The following ASIC2 variants were observed in gnomAD, a reference collection of about 807,000 sequenced individuals.
ASIC2 encodes the protein acid-sensing ion channel 2.
A neutral mutation model predicts 57.3 loss-of-function variants in ASIC2; 25 were observed. That is an observed-to-expected ratio of 0.44 (90% CI 0.32 to 0.61). The LOEUF is 0.61. ASIC2 is among the 20% of genes least tolerant of loss of function. ASIC2 has a pLI of 0.06. For missense variants in ASIC2, 641 were observed against 738.1 expected (o/e 0.87, Z 1.52); for synonymous variants, 319 against 307.5 (o/e 1.04, Z -0.39).
intron 1 of ASIC2, among the ~76,000 whole-genome samples, chr17:33,672,903 GA>G (rs1053362643): frequency 6.6e-6 from 1 of 152,122 alleles, no homozygotes; most frequent in African/African-American, 2.4e-5. Context: ...CTATAAAGTG[GA>G]AATAGCCATA....
chr17:33,842,315 C>T (rs1250302689), intron 1 of ASIC2, among the ~76,000 whole-genome samples: 1 of 152,154 alleles, frequency 6.6e-6, no homozygotes, highest in Admixed American at 6.5e-5. Context: ...AGATGTTTCT[C>T]ATAGACAAGA....
intron 1 of ASIC2, among the ~76,000 whole-genome samples, chr17:33,290,026 C>G (rs1057385822): frequency 6.6e-6 from 1 of 152,226 alleles, no homozygotes. Flanking sequence ...GCATCTCCTA[C>G]TTGCCAAAGC....
chr17:33,141,164 A>C (rs1345301196), intron 1 of ASIC2, among the ~76,000 whole-genome samples: 2 of 152,206 alleles, frequency 1.3e-5, no homozygotes, highest in East Asian at 3.9e-4. Flanking sequence ...TTTCTTGGGC[A>C]GGGCCATATC....
chr17:33,393,082 G>A (rs1356637233), intron 1 of ASIC2, among the ~76,000 whole-genome samples: 1 of 151,984 alleles, frequency 6.6e-6, no homozygotes, highest in East Asian at 1.9e-4. Context: ...CTCACCTCCT[G>A]GCCAGCTCCT....
intron 3 of ASIC2, among the ~76,000 whole-genome samples, chr17:33,069,110 G>C (rs2092056759): frequency 6.6e-6 from 1 of 152,044 alleles, no homozygotes; most frequent in Non-Finnish European, 1.5e-5. Flanking sequence ...TTATTTAGAA[G>C]TGTGTTATTT....
intron 3 of ASIC2, among the ~76,000 whole-genome samples, chr17:33,071,164 T>C (rs1377995600): frequency 6.6e-6 from 1 of 152,188 alleles, no homozygotes; most frequent in African/African-American, 2.4e-5. Flanking sequence ...TGGAAAGGAT[T>C]TGGCCATCAT....
chr17:33,620,011 A>G (rs546661058), intron 1 of ASIC2, among the ~76,000 whole-genome samples: 4 of 152,172 alleles, frequency 2.6e-5, no homozygotes, highest in Non-Finnish European at 4.4e-5. Flanking sequence ...GCTGTAAATT[A>G]TGTGTCTCTC....
chr17:33,589,123 G>A (rs978322), intron 1 of ASIC2, among the ~76,000 whole-genome samples: 95,235 of 152,130 alleles, frequency 0.63, 31,608 homozygotes, highest in African/African-American at 0.86. Context: ...AATTGTCACA[G>A]TGTGCTAGGC....
chr17:34,013,894 GC>G (rs1906857834), intron 1 of ASIC2, among the ~76,000 whole-genome samples: 1 of 152,158 alleles, frequency 6.6e-6, no homozygotes, highest in Admixed American at 6.5e-5. Flanking sequence ...AGTGTGCCTG[GC>G]CCTGATAGAT....
At chr17:33,492,604 C>T (rs867793212) in intron 1 of ASIC2, among the ~76,000 whole-genome samples, 1 of 152,194 alleles carries the variant, frequency 6.6e-6, no homozygotes, top group Non-Finnish European at 1.5e-5. Flanking sequence ...CCTTCCTTTG[C>T]CCCATTTAAA....
intron 1 of ASIC2, among the ~76,000 whole-genome samples, chr17:33,685,135 G>A (rs774988840): frequency 1.4e-4 from 21 of 152,190 alleles, no homozygotes; most frequent in Non-Finnish European, 2.6e-4. Flanking sequence ...CTTTCACTGA[G>A]AGGAGAGACG....
intron 3 of ASIC2, among the ~76,000 whole-genome samples, chr17:33,041,591 C>T (rs1168820200): frequency 6.6e-6 from 1 of 152,240 alleles, no homozygotes; most frequent in African/African-American, 2.4e-5. Flanking sequence ...CTCCTCTAAG[C>T]CAGAACTCGG....
rs191656179 is a variant in ASIC2 at position 33,041,307 on chromosome 17, G to A, written c.988-12915C>T. On this transcript the variant is annotated intron_variant, in intron 3 of 9. Transcript: ENST00000225823. ...TGCACCTTGCACAGTGTTTACATGC[G>A]TTTGTTGAGTCTGAGTCTTTAGGTT... Among the ~76,000 whole-genome samples, 5 of 152,260 alleles carry A rather than the reference G, an allele frequency of 3.3e-5. No individual in the cohort carries two copies. The East Asian group carries it at 5.8e-4, about 18-fold the overall frequency.
At chr17:33,683,646 A>G (rs61463469) in intron 1 of ASIC2, among the ~76,000 whole-genome samples, 21,145 of 152,088 alleles carry the variant, frequency 0.14, 1,697 homozygotes, top group African/African-American at 0.21. Flanking sequence ...GGCTCAAATG[A>G]TCCTCCTGCC....
At chr17:33,982,067 A>C (rs1905645701) in intron 1 of ASIC2, among the ~76,000 whole-genome samples, 1 of 152,170 alleles carries the variant, frequency 6.6e-6, no homozygotes, top group South Asian at 2.1e-4. Context: ...GTAAATGGGA[A>C]GCTTAGACAG....
At chr17:33,799,393 T>TC (rs1416531367) in intron 1 of ASIC2, among the ~76,000 whole-genome samples, 4 of 64,228 alleles carry the variant, frequency 6.2e-5, no homozygotes, top group Admixed American at 2.9e-4. Flanking sequence ...TTTCTTTCTT[T>TC]CTTTCTTTCT....
chr17:33,826,733 A>G (rs932609611), intron 1 of ASIC2, among the ~76,000 whole-genome samples: 1 of 152,080 alleles, frequency 6.6e-6, no homozygotes, highest in African/African-American at 2.4e-5. Context: ...TTTGATTTTC[A>G]TGTTCTAGGG....
intron 3 of ASIC2, among the ~76,000 whole-genome samples, chr17:33,083,880 G>A (rs908617070): frequency 3.9e-5 from 6 of 152,216 alleles, no homozygotes; most frequent in African/African-American, 1.4e-4. Context: ...GTTGGGTAGT[G>A]CTGTGACCAC....
At chr17:33,809,466 C>A (rs1055392902) in intron 1 of ASIC2, among the ~76,000 whole-genome samples, 3 of 152,180 alleles carry the variant, frequency 2.0e-5, no homozygotes, top group African/African-American at 7.2e-5. Context: ...ATTGATTGTG[C>A]CTTTCTTAGA....
Sources: allele counts gnomAD v4.1 joint callset (sites outside exome capture counted in the v4.1 genomes callset), GRCh38; gene constraint gnomAD v4.1.1; transcripts MANE v1.5; gene names NCBI Gene and HGNC (gene_info 2026-07-23, HGNC 2026-07-21).